TRIO: variants seen among roughly 807,000 people sequenced by gnomAD.
TRIO encodes the protein triple functional domain protein.
TRIO carries 58 observed loss-of-function variants against 351.9 expected under a neutral mutation model. The ratio of observed to expected loss-of-function variants is 0.16; its 90% CI spans 0.13 to 0.21. TRIO has a LOEUF of 0.21. TRIO is among the 10% of genes least tolerant of loss of function. The pLI, the probability that TRIO is intolerant of heterozygous loss-of-function variation, is 1.00. For synonymous variants in TRIO, 1,758 were observed against 1,595.7 expected (o/e 1.10, Z -2.42); for missense variants, 3,201 against 4,027.8 (o/e 0.79, Z 5.56).
chr5:14,205,346 T>C (rs1372979380), intron 1 of TRIO, among the ~76,000 whole-genome samples: 1 of 152,158 alleles, frequency 6.6e-6, no homozygotes, highest in Non-Finnish European at 1.5e-5. Flanking sequence ...AAAATAATTG[T>C]CCCCGTAATG....
At chr5:14,460,016 C>T (rs1473781834) in intron 34 of TRIO, among the ~76,000 whole-genome samples, 1 of 152,054 alleles carries the variant, frequency 6.6e-6, no homozygotes, top group Non-Finnish European at 1.5e-5. Flanking sequence ...CCTGGGTTCA[C>T]ACCATTCTCC....
At chr5:14,450,929 C>CA (rs1192356652) in intron 34 of TRIO, among the ~76,000 whole-genome samples, 2 of 152,212 alleles carry the variant, frequency 1.3e-5, no homozygotes, top group Non-Finnish European at 2.9e-5. Context: ...CTAGTACTCA[C>CA]AGACAGATGA....
chr5:14,317,460 G>A (rs1475259741), intron 9 of TRIO, among the ~76,000 whole-genome samples: 1 of 152,202 alleles, frequency 6.6e-6, no homozygotes, highest in Admixed American at 6.5e-5. Context: ...AGTATGCAGG[G>A]TAGCCCATGG....
chr5:14,349,591 A>G (rs1446075626), intron 11 of TRIO, among the ~76,000 whole-genome samples: 1 of 152,234 alleles, frequency 6.6e-6, no homozygotes, highest in African/African-American at 2.4e-5. Context: ...GGAAGTTTCC[A>G]AGTGGCAGTT....
chr5:14,281,937 A>G (rs1736040889), intron 3 of TRIO, among the ~76,000 whole-genome samples: 2 of 152,194 alleles, frequency 1.3e-5, no homozygotes, highest in Admixed American at 1.3e-4. Flanking sequence ...GGTTCACAGC[A>G]CTCAACCTGT....
intron 33 of TRIO, among the ~76,000 whole-genome samples, chr5:14,415,928 T>C (rs1749606476): frequency 6.6e-6 from 1 of 152,086 alleles, no homozygotes; most frequent in Middle Eastern, 3.4e-3. Context: ...TCTTCTGATA[T>C]GAATCTCGCA....
chr5:14,331,914 A>C (rs1200454668), intron 10 of TRIO, among the ~76,000 whole-genome samples: 2 of 152,250 alleles, frequency 1.3e-5, no homozygotes, highest in Non-Finnish European at 2.9e-5. Flanking sequence ...TAGTGTAAAA[A>C]AAGAAATAAA....
chr5:14,502,692 G>C (rs758020041), intron 54 of TRIO, 35 bp downstream of exon 54: 2 of 1,601,616 alleles, frequency 1.2e-6, no homozygotes, highest in East Asian at 4.5e-5. Flanking sequence ...TTCCGAAAGA[G>C]CAGAGCGTGG....
rs147847016 is a variant in TRIO, at chr5:14,173,947, G to T, written c.157+30065G>T. Among the ~76,000 whole-genome samples the T allele has an allele frequency of 2.7e-3, 418 of 152,342 alleles. 1 individual carries two copies. The highest frequency in any genetic ancestry group is 5.2e-3 in the Non-Finnish European group (354 of 68,032). On this transcript the variant is annotated intron_variant, in intron 1 of 56. Coordinates refer to ENST00000344204, the MANE Select transcript of TRIO (RefSeq NM_007118.4). ...GGCTGTTCTCTTGAAATACCCAGTA[G>T]TGCTGCCCAAATGGCCAGCAGTGAG... is the stretch of plus-strand genomic sequence containing the variant.
rs565612842 is a variant in TRIO at position 14,462,189 on chromosome 5, A to G, written c.5497-566A>G. Reference sequence around the variant, plus strand: ...TTTTTTTCCTGGGCATATTTTTGCCATGAGATTTTGTTGCAGTGTGGGGGT... The same window carrying G: ...TTTTTTTCCTGGGCATATTTTTGCCGTGAGATTTTGTTGCAGTGTGGGGGT... On this transcript the variant is annotated intron_variant, in intron 35 of 56. Coordinates refer to ENST00000344204, the MANE Select transcript of TRIO (RefSeq NM_007118.4). Among the ~76,000 whole-genome samples, 22 of 152,314 alleles carry G rather than the reference A, an allele frequency of 1.4e-4. No homozygotes were observed. The South Asian group carries it at 3.9e-3, about 27-fold the overall frequency.
At chr5:14,478,783 C>CT (rs1554086497) in intron 41 of TRIO, among the ~76,000 whole-genome samples, 8 of 106,642 alleles carry the variant, frequency 7.5e-5, no homozygotes, top group Non-Finnish European at 1.4e-4. Flanking sequence ...GACTCCATCC[C>CT]TACAAAAAAA....
chr5:14,199,321 A>G (rs1026666500), intron 1 of TRIO, among the ~76,000 whole-genome samples: 6 of 152,060 alleles, frequency 3.9e-5, no homozygotes, highest in African/African-American at 1.4e-4. Context: ...CCTTGCTTAA[A>G]AAAATTCAGG....
At chr5:14,493,353 C>T (rs1056098807) in intron 49 of TRIO, among the ~76,000 whole-genome samples, 3 of 152,054 alleles carry the variant, frequency 2.0e-5, no homozygotes, top group African/African-American at 7.3e-5. Context: ...GCAAGTCTCT[C>T]GGTGCCATTT....
intron 1 of TRIO, among the ~76,000 whole-genome samples, chr5:14,258,251 T>A (rs879128095): frequency 1.3e-5 from 2 of 152,192 alleles, no homozygotes; most frequent in Non-Finnish European, 2.9e-5. Flanking sequence ...TAGCTCCCTT[T>A]TAAGGTGGCT....
At chr5:14,331,707 C>T (rs775181601) in intron 10 of TRIO, among the ~76,000 whole-genome samples, 17 of 152,112 alleles carry the variant, frequency 1.1e-4, no homozygotes, top group South Asian at 2.1e-4. Flanking sequence ...GTTTTAGACA[C>T]GGCTGCAGTC....
intron 9 of TRIO, among the ~76,000 whole-genome samples, chr5:14,326,956 T>A (rs546892703): frequency 6.6e-6 from 1 of 152,200 alleles, no homozygotes; most frequent in Non-Finnish European, 1.5e-5. Flanking sequence ...AAGTGGAAAT[T>A]ATCATTGGAA....
intron 34 of TRIO, among the ~76,000 whole-genome samples, chr5:14,458,534 G>T (rs1753540110): frequency 6.6e-6 from 1 of 152,126 alleles, no homozygotes; most frequent in Non-Finnish European, 1.5e-5. Flanking sequence ...ATAATTTTGT[G>T]ATCCAAATAC....
At chr5:14,290,010 C>G (rs1191220426) in intron 4 of TRIO, among the ~76,000 whole-genome samples, 1 of 152,298 alleles carries the variant, frequency 6.6e-6, no homozygotes, top group Non-Finnish European at 1.5e-5. Flanking sequence ...TGCCTCTATC[C>G]TTAGCTCTGT....
Position 14,257,768 on chromosome 5 carries a change from A to C in TRIO, c.158-13057A>C, listed in dbSNP as rs983469700. Among the ~76,000 whole-genome samples the C allele has an allele frequency of 9.2e-5, 14 of 152,226 alleles. 1 individual carries two copies. Among genetic ancestry groups the C allele is most frequent in the Non-Finnish European group, 1.5e-5 (1 of 68,034 alleles). On this transcript the variant is annotated intron_variant, in intron 1 of 56. Transcript: ENST00000344204. Reference sequence around the variant, plus strand: ...TTAGTGGCTTTTTAACAATAATTACATGTCTCAGTCTGTTCTTTTAGTTTT... The same window carrying C: ...TTAGTGGCTTTTTAACAATAATTACCTGTCTCAGTCTGTTCTTTTAGTTTT...
Sources: gnomAD v4.1 joint callset for allele counts (sites outside exome capture counted in the v4.1 genomes callset) on GRCh38, gnomAD v4.1.1 for gene constraint, MANE v1.5 for transcripts, NCBI Gene and HGNC (gene_info 2026-07-23, HGNC 2026-07-21) for gene names.